The following SS18 variants were observed in gnomAD, a reference collection of about 807,000 sequenced individuals.
SS18 encodes the protein SS18 subunit of BAF chromatin remodeling complex.
In SS18, 28 loss-of-function variants were observed where a neutral mutation model predicts 72.5. That is an observed-to-expected ratio of 0.39 (90% confidence interval 0.29 to 0.53). The LOEUF (loss-of-function observed/expected upper bound fraction) is 0.53. Among genes scored for constraint, SS18 ranks in the 20% least tolerant of loss-of-function variants. The probability of loss-of-function intolerance (pLI) is 0.76; values close to 1 mark genes in which losing one functional copy is unlikely to be tolerated. For missense variants in SS18, 518 were observed against 535.3 expected (o/e 0.97, Z 0.32); for synonymous variants, 172 against 164.2 (o/e 1.05, Z -0.37).
chr18:26,039,095 C>T (rs998319346), intron 6 of SS18, among the ~76,000 whole-genome samples, 194 bp downstream of exon 6: 3 of 146,292 alleles, frequency 2.1e-5, no homozygotes, highest in Non-Finnish European at 4.5e-5. Context: ...ATAACTTATT[C>T]CAGAAAATAA....
chr18:26,081,894 C>T (rs377709155), intron 2 of SS18, among the ~76,000 whole-genome samples: 8 of 151,864 alleles, frequency 5.3e-5, no homozygotes, highest in East Asian at 3.9e-4. Context: ...CCTATCCCTA[C>T]GAAAAAGTGA....
At chr18:26,085,423 G>A (rs540507016) in intron 2 of SS18, among the ~76,000 whole-genome samples, 1 of 152,194 alleles carries the variant, frequency 6.6e-6, no homozygotes, top group Non-Finnish European at 1.5e-5. Context: ...GCTCACAGGG[G>A]TAGCTGAAAG....
intron 3 of SS18, among the ~76,000 whole-genome samples, chr18:26,062,231 A>G (rs1220680412): frequency 2.0e-5 from 3 of 152,168 alleles, no homozygotes; most frequent in African/African-American, 7.2e-5. Flanking sequence ...ACTACACTCC[A>G]CCCTGGGCAA....
intron 10 of SS18, among the ~76,000 whole-genome samples, chr18:26,030,665 T>G (rs1019210460): frequency 6.6e-6 from 1 of 152,054 alleles, no homozygotes; most frequent in East Asian, 1.9e-4. Context: ...GTCTACAACA[T>G]GCTAAAGCTG....
rs775644243 is a variant in SS18, at chr18:26,057,693, C to T, written c.281G>A (p.Gly94Asp). The change falls in exon 4 of 11, where the codon GGC becomes GAC. Residue 94 changes from glycine to aspartate, a missense_variant. Coordinates refer to ENST00000415083, the MANE Select transcript of SS18 (RefSeq NM_001007559.3). ...PMGPGGMNQSGPPPPPRSHNM... is the reference protein window; with the variant it reads ...PMGPGGMNQSDPPPPPRSHNM... Reference sequence around the variant, plus strand: ...GTGAGAGCGTGGAGGTGGGGGAGGGCCGCTCTGATTCATCCCTCCAGGACC... The same window carrying T: ...GTGAGAGCGTGGAGGTGGGGGAGGGTCGCTCTGATTCATCCCTCCAGGACC... 3.1e-6 allele frequency: 5 copies of T among 1,614,004 alleles called. No homozygotes were observed. The highest frequency in any genetic ancestry group is 1.7e-5 in the Admixed American group (1 of 60,018).
At chr18:26,055,693 C>T (rs2054005640) in intron 4 of SS18, among the ~76,000 whole-genome samples, 1 of 150,980 alleles carries the variant, frequency 6.6e-6, no homozygotes. Flanking sequence ...TACTGGCCTT[C>T]CAATTTCTCC....
intron 3 of SS18, among the ~76,000 whole-genome samples, chr18:26,072,862 T>C (rs1191929716): frequency 6.6e-6 from 1 of 150,702 alleles, no homozygotes; most frequent in African/African-American, 2.5e-5. Flanking sequence ...AGTCCACAAT[T>C]TGACTTGTAC....
intron 5 of SS18, among the ~76,000 whole-genome samples, chr18:26,042,776 C>T (rs1384110235): frequency 2.0e-5 from 3 of 151,884 alleles, no homozygotes; most frequent in Non-Finnish European, 2.9e-5. Context: ...TATAGTGACA[C>T]ACAATTAGGT....
intron 9 of SS18, among the ~76,000 whole-genome samples, chr18:26,032,945 G>A (rs1357052239): frequency 6.6e-6 from 1 of 152,022 alleles, no homozygotes; most frequent in Non-Finnish European, 1.5e-5. Flanking sequence ...ATAAAGTGGA[G>A]GAATAAACGA....
At chr18:26,059,510 T>C (rs1294531066) in intron 3 of SS18, among the ~76,000 whole-genome samples, 3 of 152,214 alleles carry the variant, frequency 2.0e-5, no homozygotes, top group Non-Finnish European at 2.9e-5. Flanking sequence ...TCAGCAGAGA[T>C]TCCAGCTGCT....
chr18:26,072,288 A>G (rs1321202332), intron 3 of SS18, among the ~76,000 whole-genome samples: 2 of 151,978 alleles, frequency 1.3e-5, no homozygotes, highest in African/African-American at 4.8e-5. Flanking sequence ...TAAAAAACAA[A>G]TTAATTATTG....
intron 3 of SS18, among the ~76,000 whole-genome samples, chr18:26,066,969 C>G (rs1237409459): frequency 6.6e-6 from 1 of 152,120 alleles, no homozygotes; most frequent in Admixed American, 6.5e-5. Flanking sequence ...TGTAAAATAA[C>G]TATTGAGTTG....
chr18:26,028,369 G>A (rs2053487455), intron 10 of SS18, among the ~76,000 whole-genome samples: 1 of 152,154 alleles, frequency 6.6e-6, no homozygotes, highest in Non-Finnish European at 1.5e-5. Context: ...AAAATGATAG[G>A]AATATACAAT....
At position 26,045,475 on chromosome 18, in the gene SS18, T is replaced by C. The variant is rs140809740; in HGVS notation, c.608-6019A>G. ...ATCTGCCTGTGCCACATTCTTTTTCTAGGTATCTGCTCACCACCCTAAAAT... is the reference window on the plus strand; with the variant it reads ...ATCTGCCTGTGCCACATTCTTTTTCCAGGTATCTGCTCACCACCCTAAAAT... On this transcript the variant is annotated intron_variant, in intron 5 of 10. Coordinates refer to ENST00000415083, the MANE Select transcript of SS18 (RefSeq NM_001007559.3). 2.6e-4 allele frequency among the ~76,000 whole-genome samples: 40 copies of C among 152,314 alleles called. No individual in the cohort carries two copies. In the East Asian group the frequency reaches 6.4e-3, roughly 24 times the overall value.
chr18:26,034,360 A>G (rs146663688), intron 9 of SS18, among the ~76,000 whole-genome samples: 41 of 152,290 alleles, frequency 2.7e-4, no homozygotes, highest in African/African-American at 8.9e-4. Flanking sequence ...GTTAAGACTG[A>G]AATATCAGGT....
chr18:26,066,227 C>T (rs995625679), intron 3 of SS18, among the ~76,000 whole-genome samples: 1 of 151,748 alleles, frequency 6.6e-6, no homozygotes, highest in Non-Finnish European at 1.5e-5. Flanking sequence ...ATTACTGGAG[C>T]CCCCAATCAT....
intron 3 of SS18, chr18:26,064,904 T>C (rs1455180441): frequency 6.6e-6 from 1 of 152,000 alleles, no homozygotes; most frequent in African/African-American, 2.4e-5. Flanking sequence ...GTGAATATAA[T>C]AACTAAGGTC....
intron 5 of SS18, among the ~76,000 whole-genome samples, chr18:26,046,487 C>T (rs2053826028): frequency 6.6e-6 from 1 of 152,092 alleles, no homozygotes; most frequent in Non-Finnish European, 1.5e-5. Flanking sequence ...GTCTTGCTTC[C>T]TCTGGGACAT....
chr18:26,024,698 T>C (rs542529106), intron 10 of SS18, among the ~76,000 whole-genome samples: 114 of 152,128 alleles, frequency 7.5e-4, no homozygotes, highest in Non-Finnish European at 1.5e-3. Context: ...TATATCTCAA[T>C]AAAGCTGTTT....
Sources: allele counts gnomAD v4.1 joint callset (sites outside exome capture counted in the v4.1 genomes callset), GRCh38; gene constraint gnomAD v4.1.1; transcripts MANE v1.5; gene names NCBI Gene and HGNC (gene_info 2026-07-23, HGNC 2026-07-21).